PPP2R5E: variants seen among roughly 807,000 people sequenced by gnomAD.
The protein encoded by PPP2R5E is serine/threonine-protein phosphatase 2A 56 kDa regulatory subunit epsilon isoform.
A neutral mutation model predicts 65.3 loss-of-function variants in PPP2R5E; 4 were observed. That is an observed-to-expected ratio of 0.06 (90% CI 0.03 to 0.14). The LOEUF is 0.14. PPP2R5E is among the 10% of genes least tolerant of loss of function. PPP2R5E has a pLI of 1.00. For missense variants in PPP2R5E, 274 were observed against 556.1 expected, an observed-to-expected ratio of 0.49 and a Z score of 5.10; for synonymous variants, 183 against 187.4, an observed-to-expected ratio of 0.98 and a Z score of 0.19.
chr14:63,438,751 T>G (rs1888060241), intron 3 of PPP2R5E, among the ~76,000 whole-genome samples: 1 of 152,186 alleles, frequency 6.6e-6, no homozygotes, highest in Non-Finnish European at 1.5e-5. Context: ...CTCAGTGGCT[T>G]CCTGAGTAAA....
intron 11 of PPP2R5E, among the ~76,000 whole-genome samples, chr14:63,389,272 C>T (rs1196956934): frequency 1.3e-5 from 2 of 151,958 alleles, no homozygotes; most frequent in African/African-American, 2.4e-5. Context: ...CTCTCTTACA[C>T]ACTAGAGAAA....
At chr14:63,403,343 G>T (rs200340521) in intron 5 of PPP2R5E, among the ~76,000 whole-genome samples, 1 of 144,038 alleles carries the variant, frequency 6.9e-6, no homozygotes, top group East Asian at 2.0e-4. Context: ...AGCCAAGATC[G>T]TGCCACTACA....
At chr14:63,493,133 A>C (rs1434532948) in intron 2 of PPP2R5E, among the ~76,000 whole-genome samples, 1 of 152,108 alleles carries the variant, frequency 6.6e-6, no homozygotes, top group Non-Finnish European at 1.5e-5. Flanking sequence ...TAGTTGTATG[A>C]TAGAGCACCC....
intron 4 of PPP2R5E, among the ~76,000 whole-genome samples, chr14:63,416,859 G>A (rs1396413702): frequency 2.0e-5 from 3 of 151,998 alleles, no homozygotes; most frequent in Admixed American, 2.0e-4. Context: ...TGTCATTTTG[G>A]TTTAAGTATA....
chr14:63,384,258 C>T (rs1041043691), intron 12 of PPP2R5E, among the ~76,000 whole-genome samples, 186 bp downstream of exon 12: 1 of 152,166 alleles, frequency 6.6e-6, no homozygotes, highest in African/African-American at 2.4e-5. Flanking sequence ...TAAACAGATA[C>T]TTTAACCGGT....
chr14:63,521,893 G>T (rs890920408), intron 2 of PPP2R5E, among the ~76,000 whole-genome samples: 2 of 151,848 alleles, frequency 1.3e-5, no homozygotes, highest in Non-Finnish European at 2.9e-5. Flanking sequence ...ATTTGATGAG[G>T]TTGTGCAACC....
chr14:63,446,481 C>CA (rs1472715089), intron 3 of PPP2R5E, among the ~76,000 whole-genome samples: 1 of 152,074 alleles, frequency 6.6e-6, no homozygotes, highest in East Asian at 1.9e-4. Context: ...ACTTGAAAAT[C>CA]AAAATTACTC....
intron 2 of PPP2R5E, among the ~76,000 whole-genome samples, chr14:63,480,649 T>C (rs992166437): frequency 6.6e-6 from 1 of 152,160 alleles, no homozygotes; most frequent in Non-Finnish European, 1.5e-5. Context: ...ACTCACTTTC[T>C]TGCACAGGCT....
At chr14:63,442,250 CAGG>C in intron 3 of PPP2R5E, among the ~76,000 whole-genome samples, 1 of 152,254 alleles carries the variant, frequency 6.6e-6, no homozygotes, top group East Asian at 1.9e-4. Flanking sequence ...ATCTAATTCT[CAGG>C]TCTTCTTTTA....
At chr14:63,429,975 C>T (rs1433220416) in intron 3 of PPP2R5E, among the ~76,000 whole-genome samples, 1 of 152,058 alleles carries the variant, frequency 6.6e-6, no homozygotes, top group Non-Finnish European at 1.5e-5. Context: ...TGAGCCCCTG[C>T]ACCCGGCCGT....
At chr14:63,408,572 T>C (rs1594840783) in intron 5 of PPP2R5E, among the ~76,000 whole-genome samples, 3 of 152,204 alleles carry the variant, frequency 2.0e-5, no homozygotes, top group African/African-American at 7.2e-5. Flanking sequence ...ACCATATCAT[T>C]AGTCATCTTT....
intron 2 of PPP2R5E, among the ~76,000 whole-genome samples, chr14:63,480,301 T>C (rs1192918044): frequency 1.3e-5 from 2 of 151,956 alleles, no homozygotes; most frequent in Non-Finnish European, 2.9e-5. Flanking sequence ...CTACTAAAAA[T>C]ACAAAAATTA....
chr14:63,459,143 A>G (rs1434344846), intron 2 of PPP2R5E, among the ~76,000 whole-genome samples: 2 of 152,198 alleles, frequency 1.3e-5, no homozygotes, highest in Non-Finnish European at 2.9e-5. Flanking sequence ...CATAGTTCTA[A>G]GGAGATGCTT....
In PPP2R5E at chr14:63,440,932, G is replaced by C. The variant is rs574884829; in HGVS notation, c.354+12757C>G. On this transcript the variant is annotated intron_variant, in intron 3 of 13. Transcript: ENST00000337537. The stretch of plus-strand genomic sequence containing the variant: ...CCACTGCACTCCAGCCTGGGCAACA[G>C]AGCGAGACTCCATCTCAAAAAAAAA... 2.3e-3 allele frequency among the ~76,000 whole-genome samples: 297 copies of C among 130,282 alleles called. 1 individual carries two copies. Among genetic ancestry groups the C allele is most frequent in the Non-Finnish European group, 3.1e-3 (203 of 64,778 alleles). The allele number at this position is 130,282 out of a possible 152,430, so 85.5% of individuals were successfully genotyped here.
intron 2 of PPP2R5E, among the ~76,000 whole-genome samples, chr14:63,526,944 C>A (rs551625556): frequency 2.0e-5 from 3 of 152,198 alleles, no homozygotes; most frequent in African/African-American, 7.2e-5. Flanking sequence ...CCAAGGCGGG[C>A]GGATCACCTG....
intron 2 of PPP2R5E, among the ~76,000 whole-genome samples, chr14:63,500,599 C>T (rs186615114): frequency 2.0e-5 from 3 of 152,242 alleles, no homozygotes; most frequent in East Asian, 1.9e-4. Context: ...CCTGGGTGGG[C>T]ACAGCGGGCT....
chr14:63,388,021 C>T (rs1410518865), intron 11 of PPP2R5E, among the ~76,000 whole-genome samples: 2 of 152,112 alleles, frequency 1.3e-5, no homozygotes, highest in East Asian at 1.9e-4. Context: ...TCGTTTAAGT[C>T]GCCAGTCTTG....
chr14:63,445,743 G>A (rs1888443139), intron 3 of PPP2R5E, among the ~76,000 whole-genome samples: 1 of 152,054 alleles, frequency 6.6e-6, no homozygotes, highest in African/African-American at 2.4e-5. Context: ...TCGGGAGGCT[G>A]AGGCAGAAGA....
intron 2 of PPP2R5E, among the ~76,000 whole-genome samples, chr14:63,533,353 G>A (rs1405650510): frequency 1.3e-5 from 2 of 151,738 alleles, no homozygotes; most frequent in African/African-American, 4.8e-5. Context: ...CCTGAGGTCA[G>A]GAGTTCATGA....
Sources: gnomAD v4.1 joint callset for allele counts (sites outside exome capture counted in the v4.1 genomes callset) on GRCh38, gnomAD v4.1.1 for gene constraint, MANE v1.5 for transcripts, NCBI Gene and HGNC (gene_info 2026-07-23, HGNC 2026-07-21) for gene names.